Variants in MBD2 observed in about 807,000 individuals in gnomAD.
MBD2 encodes methyl-CpG binding domain protein 2.
In MBD2, 9 loss-of-function variants were observed where a neutral mutation model predicts 39.3. That is an observed-to-expected ratio of 0.23 (90% CI 0.14 to 0.40). The LOEUF is 0.40. Among genes scored for constraint, MBD2 ranks in the 10% least tolerant of loss-of-function variants. The probability of loss-of-function intolerance (pLI) is 1.00; values close to 1 mark genes in which losing one functional copy is unlikely to be tolerated. For missense variants in MBD2, 458 were observed against 532.6 expected (o/e 0.86, Z 1.38); for synonymous variants, 233 against 211.1 (o/e 1.10, Z -0.90).
chr18:54,215,759 G>C (rs1443072791), intron 1 of MBD2, among the ~76,000 whole-genome samples: 1 of 151,552 alleles, frequency 6.6e-6, no homozygotes, highest in East Asian at 1.9e-4. Flanking sequence ...CTCCCAAAGT[G>C]CTGGGATTAA....
At chr18:54,197,317 T>G (rs1451881534) in intron 2 of MBD2, among the ~76,000 whole-genome samples, 2 of 152,240 alleles carry the variant, frequency 1.3e-5, no homozygotes, top group Non-Finnish European at 2.9e-5. Context: ...CTATTCCTTA[T>G]GCTGGCTGGC....
At chr18:54,189,165 CCTA>C (rs1210799764) in intron 2 of MBD2, among the ~76,000 whole-genome samples, 154 bp from the exon 3 acceptor site, 2 of 151,884 alleles carry the variant, frequency 1.3e-5, no homozygotes, top group African/African-American at 4.8e-5. Flanking sequence ...ATGTTAAGCA[CCTA>C]ATAAGTGAAA....
rs202228088 is a variant in MBD2, at chr18:54,166,063, A to G, written c.931+13T>C. 1.9e-6 allele frequency: 3 copies of G among 1,570,804 alleles called. No homozygotes were observed. The East Asian group carries it at 6.7e-5, about 35-fold the overall frequency. On this transcript the variant is annotated intron_variant, in intron 4 of 6. Transcript: ENST00000256429. ...ACTTGATAAATGTCTGCTCAACTGA[A>G]CTTAGATAATACCTTGAAGACCTTT...
rs367947843 is a variant in MBD2, at chr18:54,159,088, G to A, written c.*12+677C>T. On this transcript the variant is annotated intron_variant, in intron 6 of 6. Transcript: ENST00000256429. ...AAAGAGGAAGCAATATGCCCTGGATGCTACTGTGATGGAGATGACAGTCAC... is the reference window on the plus strand; with the variant it reads ...AAAGAGGAAGCAATATGCCCTGGATACTACTGTGATGGAGATGACAGTCAC... 5.3e-4 allele frequency among the ~76,000 whole-genome samples: 80 copies of A among 152,274 alleles called. 1 individual carries two copies. The South Asian group carries it at 0.013, about 26-fold the overall frequency.
At chr18:54,217,681 T>C (rs12957175) in intron 1 of MBD2, among the ~76,000 whole-genome samples, 51,926 of 152,064 alleles carry the variant, frequency 0.34, 9,818 homozygotes, top group East Asian at 0.57. Context: ...TAAAACTAAA[T>C]TATGAAAAAA....
At chr18:54,222,678 G>C (rs993887994) in intron 1 of MBD2, among the ~76,000 whole-genome samples, 1 of 152,300 alleles carries the variant, frequency 6.6e-6, no homozygotes, top group African/African-American at 2.4e-5. Context: ...TGAGGGTCCA[G>C]ATCAAGTGGA....
At chr18:54,183,117 C>T (rs541675064) in intron 3 of MBD2, among the ~76,000 whole-genome samples, 4 of 152,104 alleles carry the variant, frequency 2.6e-5, no homozygotes, top group African/African-American at 7.2e-5. Context: ...GGCAGCCAAG[C>T]GGACAGTGGT....
Position 54,217,731 on chromosome 18 carries a change from G to GA in MBD2, c.542+6286dup, listed in dbSNP as rs539408198. On this transcript the variant is annotated intron_variant, in intron 1 of 6. Transcript: ENST00000256429. ...TTAACTAAATTTTTAAAAGCAATGTGAAAAAATCTACCAATTTCTGTTGGA... is the reference window on the plus strand; with the variant it reads ...TTAACTAAATTTTTAAAAGCAATGTGAAAAAAATCTACCAATTTCTGTTGGA... Among the ~76,000 whole-genome samples, 188 of 152,264 alleles carry GA rather than the reference G, an allele frequency of 1.2e-3. 1 individual carries two copies. Among genetic ancestry groups the GA allele is most frequent in the African/African-American group, 4.4e-3 (182 of 41,552 alleles).
rs550366382 is a variant in MBD2, at chr18:54,159,414, C to T, written c.*12+351G>A. Among the ~76,000 whole-genome samples the T allele has an allele frequency of 3.5e-4, 53 of 151,462 alleles. 1 individual carries two copies. The highest frequency in any genetic ancestry group is 1.2e-3 in the African/African-American group (49 of 41,328). On this transcript the variant is annotated intron_variant, in intron 6 of 6. Coordinates refer to ENST00000256429, the MANE Select transcript of MBD2 (RefSeq NM_003927.5). The stretch of plus-strand genomic sequence containing the variant: ...CAGGGAAAATAACAAGAAAATACAG[C>T]GACACCTTTTTTTTTTTTTCTGAGA...
intron 1 of MBD2, among the ~76,000 whole-genome samples, chr18:54,210,486 A>C (rs1405709062): frequency 6.6e-6 from 1 of 152,192 alleles, no homozygotes; most frequent in Non-Finnish European, 1.5e-5. Context: ...TGCATGTGAA[A>C]CTGTACTCTG....
At chr18:54,193,779 C>T (rs901617875) in intron 2 of MBD2, among the ~76,000 whole-genome samples, 3 of 152,046 alleles carry the variant, frequency 2.0e-5, no homozygotes, top group African/African-American at 7.2e-5. Context: ...ACACAGATAC[C>T]ATGGTCAGAA....
At position 54,164,641 on chromosome 18, in the gene MBD2, T is replaced by A. The variant is rs765999642; in HGVS notation, c.991A>T (p.Thr331Ser). 6.2e-7 allele frequency: 1 copy of A among 1,614,016 alleles called. No homozygotes were observed. The highest frequency in any genetic ancestry group is 8.5e-7 in the Non-Finnish European group (1 of 1,179,992). ...TGCCCTGTGATTGGCGCAGAGCTTGTGTGCAAAGCACTGGCAACAGCAGAT... is the reference window on the plus strand; with the variant it reads ...TGCCCTGTGATTGGCGCAGAGCTTGAGTGCAAAGCACTGGCAACAGCAGAT... Reference protein sequence around the residue: ...LLSAVASALHTSSAPITGQVS... With the variant: ...LLSAVASALHSSSAPITGQVS... Residue 331 changes from threonine to serine, a missense_variant, in exon 5 of 7, where the codon ACA (threonine) becomes TCA (serine). Coordinates refer to ENST00000256429, the MANE Select transcript of MBD2 (RefSeq NM_003927.5).
intron 1 of MBD2, among the ~76,000 whole-genome samples, chr18:54,221,429 G>T (rs949578242): frequency 6.8e-6 from 1 of 147,310 alleles, no homozygotes; most frequent in African/African-American, 2.5e-5. Flanking sequence ...CTGCACTCCA[G>T]CCTGGGCAAC....
intron 3 of MBD2, among the ~76,000 whole-genome samples, chr18:54,181,459 T>C (rs1169534261): frequency 6.6e-6 from 1 of 152,222 alleles, no homozygotes; most frequent in Admixed American, 6.5e-5. Context: ...AGATTCTTCA[T>C]ATAGGCAGAG....
At chr18:54,182,668 C>T (rs570614570) in intron 3 of MBD2, among the ~76,000 whole-genome samples, 4 of 152,248 alleles carry the variant, frequency 2.6e-5, no homozygotes, top group African/African-American at 9.6e-5. Flanking sequence ...AGAGGAACAC[C>T]TGCCTGCAAT....
chr18:54,223,150 A>G (rs1354183513), intron 1 of MBD2, among the ~76,000 whole-genome samples: 1 of 152,240 alleles, frequency 6.6e-6, no homozygotes, highest in Non-Finnish European at 1.5e-5. Context: ...ACGGATGTCA[A>G]TTGCCATAGG....
chr18:54,221,355 G>A (rs1456432433), intron 1 of MBD2, among the ~76,000 whole-genome samples: 1 of 151,778 alleles, frequency 6.6e-6, no homozygotes, highest in Non-Finnish European at 1.5e-5. Flanking sequence ...CTACTCGGGA[G>A]GCTGAGGCAG....
At chr18:54,208,029 G>A (rs1599104932) in intron 1 of MBD2, among the ~76,000 whole-genome samples, 1 of 151,114 alleles carries the variant, frequency 6.6e-6, no homozygotes, top group East Asian at 2.0e-4. Flanking sequence ...CAGATCGAGA[G>A]TCTGTCTCAA....
chr18:54,164,415 T>G, intron 5 of MBD2, 108 bp downstream of exon 5: 1 of 940,532 alleles, frequency 1.1e-6, no homozygotes, highest in Non-Finnish European at 1.6e-6. Flanking sequence ...AGTATAACTT[T>G]CTAGGTGATA....
Sources: gnomAD v4.1 joint callset for allele counts (sites outside exome capture counted in the v4.1 genomes callset) on GRCh38, gnomAD v4.1.1 for gene constraint, MANE v1.5 for transcripts, NCBI Gene and HGNC (gene_info 2026-07-23, HGNC 2026-07-21) for gene names.